IPO7: variants seen among roughly 807,000 people sequenced by gnomAD.
IPO7 encodes importin 7.
A neutral mutation model predicts 136.4 loss-of-function variants in IPO7; 13 were observed. That is an observed-to-expected ratio of 0.10 (90% CI 0.06 to 0.15). The LOEUF is 0.15. Among genes scored for constraint, IPO7 ranks in the 10% least tolerant of loss-of-function variants. IPO7 has a pLI of 1.00. For synonymous variants in IPO7, 403 were observed against 404.4 expected, an observed-to-expected ratio of 1.00 and a Z score of 0.04; for missense variants, 857 against 1,240.6, an observed-to-expected ratio of 0.69 and a Z score of 4.65.
chr11:9,417,077 C>G lies in IPO7; in HGVS notation c.655C>G (p.Leu219Val). 2 of 1,534,722 alleles carry G rather than the reference C, an allele frequency of 1.3e-6. No individual in the cohort carries two copies. Among genetic ancestry groups the G allele is most frequent in the African/African-American group, 1.4e-5 (1 of 73,380 alleles). The change falls in exon 6 of 25, where the codon CTG becomes GTG. Residue 219 changes from leucine (L) to valine (V), a missense_variant. Physicochemically the swap from Leu to Val is conservative, Grantham distance 32 (BLOSUM62 1). Transcript: ENST00000379719. Reference protein sequence around the residue: ...ALVQYTLPLELINQQNLTEWI... With the variant: ...ALVQYTLPLEVINQQNLTEWI... ...TATTTAGTATACACTACCACTGGAA[C>G]TGATAAACCAACAGAACCTGACAGA...
chr11:9,431,644 T>A (rs1004460601), intron 16 of IPO7, among the ~76,000 whole-genome samples: 1 of 152,136 alleles, frequency 6.6e-6, no homozygotes, highest in African/African-American at 2.4e-5. Flanking sequence ...TTTACTCTTT[T>A]CTGTATGTTT....
At chr11:9,417,235 C>A in intron 6 of IPO7, 87 bp downstream of exon 6, 2 of 581,176 alleles carry the variant, frequency 3.4e-6, no homozygotes, top group Admixed American at 3.0e-5. Flanking sequence ...CTGTAACATT[C>A]TTTATGAATT....
chr11:9,388,975 T>C (rs1452498413), intron 1 of IPO7, among the ~76,000 whole-genome samples: 3 of 152,130 alleles, frequency 2.0e-5, no homozygotes, highest in Admixed American at 2.0e-4. Flanking sequence ...ATAGGCTTTA[T>C]GACTGACTTC....
chr11:9,415,003 A>T (rs1308015280), intron 5 of IPO7, among the ~76,000 whole-genome samples: 1 of 151,944 alleles, frequency 6.6e-6, no homozygotes, highest in Non-Finnish European at 1.5e-5. Context: ...TCAATTTAGA[A>T]AGTATCTTTC....
chr11:9,434,413 T>C (rs1427670665), intron 18 of IPO7, among the ~76,000 whole-genome samples: 1 of 152,190 alleles, frequency 6.6e-6, no homozygotes, highest in Non-Finnish European at 1.5e-5. Flanking sequence ...AATGTAAAAA[T>C]GTGTCTATAA....
At chr11:9,421,127 A>G (rs965578151) in intron 8 of IPO7, among the ~76,000 whole-genome samples, 7 of 151,542 alleles carry the variant, frequency 4.6e-5, no homozygotes, top group Non-Finnish European at 7.4e-5. Flanking sequence ...ACACCCAGCT[A>G]ATTTTGAATT....
chr11:9,410,801 G>C (rs1055466452), intron 4 of IPO7, among the ~76,000 whole-genome samples: 6 of 152,114 alleles, frequency 3.9e-5, no homozygotes, highest in Non-Finnish European at 1.5e-5. Flanking sequence ...GGTTTGATGG[G>C]ATATTACGAG....
chr11:9,410,321 C>T (rs952059403), intron 4 of IPO7, among the ~76,000 whole-genome samples: 2 of 152,106 alleles, frequency 1.3e-5, no homozygotes, highest in African/African-American at 4.8e-5. Flanking sequence ...GTCTCTTTAC[C>T]TATTCAAAAA....
At chr11:9,416,665 A>C (rs1470614291) in intron 5 of IPO7, among the ~76,000 whole-genome samples, 2 of 152,252 alleles carry the variant, frequency 1.3e-5, no homozygotes, top group East Asian at 3.8e-4. Flanking sequence ...TAACCCTTAC[A>C]TCACGTTAAA....
rs1470023506 is a variant in IPO7 at position 9,447,595 on chromosome 11, T to G, written c.*2401T>G. Reference sequence around the variant, plus strand: ...TTGTAATTAGCTACATAGGGACTTGTCTTTTTTTCTTTTTACATACAGCTT... The same window carrying G: ...TTGTAATTAGCTACATAGGGACTTGGCTTTTTTTCTTTTTACATACAGCTT... On this transcript the variant is annotated 3_prime_UTR_variant, in exon 25 of 25. Transcript: ENST00000379719. The G allele has an allele frequency of 6.6e-6, 1 of 152,208 alleles. No homozygotes were observed. The highest frequency in any genetic ancestry group is 2.4e-5 in the African/African-American group (1 of 41,466). 9.4% of individuals were successfully genotyped at this position (152,208 alleles called of 1,614,324 possible). A position where few individuals can be genotyped will look rare whatever the true frequency, so the allele number is the denominator to read the frequency against.
intron 19 of IPO7, among the ~76,000 whole-genome samples, chr11:9,435,354 A>G (rs1855354767): frequency 1.3e-5 from 2 of 152,236 alleles, no homozygotes; most frequent in African/African-American, 4.8e-5. Flanking sequence ...ATGGATAGAG[A>G]TGTTTTATAA....
chr11:9,396,457 A>G (rs1267399262), intron 1 of IPO7, among the ~76,000 whole-genome samples: 1 of 152,218 alleles, frequency 6.6e-6, no homozygotes, highest in Non-Finnish European at 1.5e-5. Flanking sequence ...CTATTCACAC[A>G]TTTAAAGTAT....
chr11:9,438,052 T>C (rs545073319), intron 21 of IPO7, 28 bp from the exon 22 acceptor site: 5 of 455,240 alleles, frequency 1.1e-5, no homozygotes, highest in Non-Finnish European at 1.5e-5. Context: ...ACAGTTTTTT[T>C]TTTTTTTTTT....
chr11:9,429,242 C>G (rs746586610), intron 14 of IPO7, 46 bp downstream of exon 14: 3 of 1,482,740 alleles, frequency 2.0e-6, no homozygotes, highest in Non-Finnish European at 1.9e-6. Flanking sequence ...TGGCCAGGTG[C>G]GGTAGGTCAC....
intron 5 of IPO7, among the ~76,000 whole-genome samples, chr11:9,416,451 G>A (rs557646330): frequency 2.0e-5 from 3 of 152,224 alleles, no homozygotes; most frequent in African/African-American, 7.2e-5. Context: ...AACTATCATA[G>A]GGCATAGGGA....
chr11:9,409,815 C>G (rs1854943715), intron 3 of IPO7, 113 bp from the exon 4 acceptor site: 2 of 733,142 alleles, frequency 2.7e-6, no homozygotes, highest in South Asian at 6.0e-5. Context: ...CATCTAAAAT[C>G]ACTGGGTTAT....
intron 3 of IPO7, among the ~76,000 whole-genome samples, chr11:9,408,943 A>G (rs1854928739): frequency 1.3e-5 from 2 of 150,934 alleles, no homozygotes; most frequent in Admixed American, 1.3e-4. Context: ...CGATTTCCTG[A>G]CCTCGTGATC....
chr11:9,396,991 C>T (rs970271149), intron 1 of IPO7, among the ~76,000 whole-genome samples: 3 of 151,932 alleles, frequency 2.0e-5, no homozygotes, highest in South Asian at 2.1e-4. Flanking sequence ...TTCCGTGATA[C>T]TCTTCCTATT....
chr11:9,416,027 T>C (rs190439969), intron 5 of IPO7, among the ~76,000 whole-genome samples: 1 of 152,274 alleles, frequency 6.6e-6, no homozygotes, highest in East Asian at 1.9e-4. Context: ...TTTAAAAATC[T>C]CATTTAAATA....
Sources: allele counts gnomAD v4.1 joint callset (sites outside exome capture counted in the v4.1 genomes callset), GRCh38; gene constraint gnomAD v4.1.1; transcripts MANE v1.5; gene names NCBI Gene and HGNC (gene_info 2026-07-23, HGNC 2026-07-21).